The following ANXA10 variants were observed in gnomAD, a reference collection of about 807,000 sequenced individuals.
ANXA10 encodes annexin 14.
A neutral mutation model predicts 53.5 loss-of-function variants in ANXA10; 49 were observed. The observed-to-expected ratio is 0.92, with a 90% CI of 0.73 to 1.16. The LOEUF is 1.16. Ranked by LOEUF, ANXA10 falls within the 50% of genes most tolerant of loss-of-function variation. The pLI is 0.00. For missense variants in ANXA10, 393 were observed against 394.4 expected, an observed-to-expected ratio of 1.00 and a Z score of 0.03; for synonymous variants, 131 against 128.9, an observed-to-expected ratio of 1.02 and a Z score of -0.11.
rs576505550 is a variant in ANXA10, at chr4:168,109,965, C to T, written c.18+17247C>T. ...GTGGCTCACGCCAGTAATCCCAGCA[C>T]TTCGGGAGGCCGAGACGGGCAGATC... On this transcript the variant is annotated intron_variant, in intron 1 of 11. Transcript: ENST00000359299. Among the ~76,000 whole-genome samples the T allele has an allele frequency of 2.6e-5, 4 of 152,356 alleles. No individual in the cohort carries two copies. In the East Asian group the frequency reaches 7.7e-4, roughly 29 times the overall value.
intron 2 of ANXA10, among the ~76,000 whole-genome samples, chr4:168,132,602 T>C (rs574168495): frequency 6.6e-6 from 1 of 152,190 alleles, no homozygotes; most frequent in Non-Finnish European, 1.5e-5. Context: ...AATAACTGTG[T>C]ATTTTAAAAT....
chr4:168,148,174 A>ATT (rs35381933), intron 3 of ANXA10, among the ~76,000 whole-genome samples: 5 of 143,016 alleles, frequency 3.5e-5, no homozygotes, highest in Admixed American at 7.0e-5. Flanking sequence ...ATATGTGACA[A>ATT]TTTTTTTTTT....
At chr4:168,155,579 A>C (rs1731607046) in intron 3 of ANXA10, among the ~76,000 whole-genome samples, 1 of 65,478 alleles carries the variant, frequency 1.5e-5, no homozygotes, top group African/African-American at 6.2e-5. Context: ...ATAATTATAT[A>C]TTATAAATAT....
chr4:168,172,750 AAGC>A (rs2149479380), intron 6 of ANXA10, among the ~76,000 whole-genome samples: 1 of 152,080 alleles, frequency 6.6e-6, no homozygotes, highest in Non-Finnish European at 1.5e-5. Flanking sequence ...TAACAGGGAG[AAGC>A]ATTGTAGGGC....
chr4:168,174,327 G>T lies in ANXA10; in HGVS notation c.481-3413G>T, dbSNP rs548962947. ...TCACCTGGAGTCTCCAAGTTTTCAG[G>T]CACCACCATGTCCCCTTTGTCTGGA... On this transcript the variant is annotated intron_variant, in intron 6 of 11. Transcript: ENST00000359299. 6.6e-5 allele frequency among the ~76,000 whole-genome samples: 10 copies of T among 152,298 alleles called. No homozygotes were observed. In the South Asian group the frequency reaches 2.1e-3, roughly 32 times the overall value.
intron 11 of ANXA10, among the ~76,000 whole-genome samples, chr4:168,186,691 G>C (rs1421937299): frequency 1.3e-5 from 2 of 152,136 alleles, no homozygotes; most frequent in East Asian, 3.8e-4. Flanking sequence ...TGTCACAGCT[G>C]CCTGAACACA....
Position 168,187,445 on chromosome 4 carries a change from A to T in ANXA10, c.*11A>T. On this transcript the variant is annotated 3_prime_UTR_variant, in exon 12 of 12. Coordinates refer to ENST00000359299, the MANE Select transcript of ANXA10 (RefSeq NM_007193.5). ...GCTGAGGACTACTAAAATGAAGAGG[A>T]CTTGGAGTACTGTGCACTCCTCTTT... The T allele has an allele frequency of 6.4e-7, 1 of 1,566,094 alleles. No homozygotes were observed. The highest frequency in any genetic ancestry group is 1.4e-5 in the African/African-American group (1 of 73,850).
intron 6 of ANXA10, among the ~76,000 whole-genome samples, chr4:168,173,871 T>C (rs888549996): frequency 2.6e-5 from 4 of 152,046 alleles, no homozygotes; most frequent in Admixed American, 1.3e-4. Context: ...CATCTTTGAG[T>C]GGTGCCTTTT....
rs112110235 is a variant in ANXA10 at position 168,141,968 on chromosome 4, T to C, written c.195+2388T>C. Among the ~76,000 whole-genome samples, 357 of 152,274 alleles carry C rather than the reference T, an allele frequency of 2.3e-3. 1 individual carries two copies. Among genetic ancestry groups the C allele is most frequent in the African/African-American group, 8.2e-3 (339 of 41,556 alleles). On this transcript the variant is annotated intron_variant, in intron 3 of 11. Coordinates refer to ENST00000359299, the MANE Select transcript of ANXA10 (RefSeq NM_007193.5). ...TTGGATACGAATTCTATCTAATGGCTGCACTGCTCATTACCACCACCCCAG... is the reference window on the plus strand; with the variant it reads ...TTGGATACGAATTCTATCTAATGGCCGCACTGCTCATTACCACCACCCCAG...
chr4:168,184,504 G>C, intron 10 of ANXA10, 55 bp from the exon 11 acceptor site: 1 of 1,604,058 alleles, frequency 6.2e-7, no homozygotes, highest in Non-Finnish European at 8.5e-7. Context: ...ACTTGGGACA[G>C]ACTGACTTTT....
chr4:168,140,176 T>G (rs1173298951), intron 3 of ANXA10, among the ~76,000 whole-genome samples: 5 of 152,232 alleles, frequency 3.3e-5, no homozygotes, highest in African/African-American at 1.2e-4. Context: ...CATTAAAGAT[T>G]CCTTGCTTTT....
intron 4 of ANXA10, among the ~76,000 whole-genome samples, chr4:168,162,960 G>A (rs1007918599): frequency 2.0e-5 from 3 of 152,112 alleles, no homozygotes; most frequent in Admixed American, 2.0e-4. Flanking sequence ...TTGTCCCTGA[G>A]CATGTATTCC....
At chr4:168,118,543 G>GT (rs200922498) in intron 1 of ANXA10, among the ~76,000 whole-genome samples, 4 of 152,142 alleles carry the variant, frequency 2.6e-5, no homozygotes, top group Non-Finnish European at 4.4e-5. Flanking sequence ...GTAGTGTTCT[G>GT]TTTTTTTCTA....
intron 3 of ANXA10, 131 bp downstream of exon 3, chr4:168,139,711 C>T: frequency 7.0e-6 from 4 of 570,066 alleles, no homozygotes; most frequent in South Asian, 2.6e-5. Flanking sequence ...ATGTCAGATA[C>T]AGTTCATATT....
chr4:168,183,466 C>T (rs572268057), intron 10 of ANXA10, among the ~76,000 whole-genome samples: 6 of 152,336 alleles, frequency 3.9e-5, no homozygotes, highest in African/African-American at 1.4e-4. Context: ...CAGTATGAAG[C>T]TTCACTTGTG....
rs769204340 is a variant in ANXA10, at chr4:168,179,255, G to A, written c.667G>A (p.Val223Ile). 1 of 1,611,692 alleles carries A rather than the reference G, an allele frequency of 6.2e-7. No individual in the cohort carries two copies. The highest frequency in any genetic ancestry group is 8.5e-7 in the Non-Finnish European group (1 of 1,179,062). The change falls in exon 9 of 12, where the codon GTA becomes ATA. Residue 223 changes from valine (V) to isoleucine (I), a missense_variant. Val to Ile is a conservative substitution (Grantham distance 29). Coordinates refer to ENST00000359299, the MANE Select transcript of ANXA10 (RefSeq NM_007193.5). ...EFQNISGQDM[V>I]DAINECYDGY... Reference sequence around the variant, plus strand: ...TCAAAATATTTCTGGGCAAGATATGGTAGATGCCATTAATGAATGTTATGA... The same window carrying A: ...TCAAAATATTTCTGGGCAAGATATGATAGATGCCATTAATGAATGTTATGA...
intron 1 of ANXA10, among the ~76,000 whole-genome samples, chr4:168,108,957 G>A (rs1340031893): frequency 6.6e-6 from 1 of 152,146 alleles, no homozygotes; most frequent in Non-Finnish European, 1.5e-5. Flanking sequence ...TTGGTAAGTG[G>A]CTATGAATAA....
chr4:168,182,318 A>ATTTTTTTTTTTTTTTTTTTTCTTTTTTT (rs1732265218), intron 10 of ANXA10, among the ~76,000 whole-genome samples: 1 of 49,726 alleles, frequency 2.0e-5, no homozygotes, highest in African/African-American at 1.1e-4. Context: ...TGGAGCATTA[A>ATTTTTTTTTTTTTTTTTTTTCTTTTTTT]TTTTTTTTTT....
At chr4:168,128,512 CATTTGCT>C (rs1731108593) in intron 2 of ANXA10, among the ~76,000 whole-genome samples, 1 of 152,120 alleles carries the variant, frequency 6.6e-6, no homozygotes, top group African/African-American at 2.4e-5. Context: ...TAGCTTGTTT[CATTTGCT>C]ATTTGCTATT....
Sources: gnomAD v4.1 joint callset for allele counts (sites outside exome capture counted in the v4.1 genomes callset) on GRCh38, gnomAD v4.1.1 for gene constraint, MANE v1.5 for transcripts, NCBI Gene and HGNC (gene_info 2026-07-23, HGNC 2026-07-21) for gene names.